TENM1: variants seen among roughly 807,000 people sequenced by gnomAD.
TENM1 encodes teneurin-1.
Under a neutral mutation model 174.8 loss-of-function variants are expected in TENM1, and 35 were observed. The ratio of observed to expected loss-of-function variants is 0.20; its 90% confidence interval spans 0.15 to 0.27. The LOEUF is 0.27. Among genes scored for constraint, TENM1 ranks in the 10% least tolerant of loss-of-function variants. TENM1 has a pLI of 1.00. For synonymous variants in TENM1, 781 were observed against 798.7 expected, an observed-to-expected ratio of 0.98 and a Z score of 0.37; for missense variants, 1,633 against 2,130.1, an observed-to-expected ratio of 0.77 and a Z score of 4.59.
intron 13 of TENM1, 78 bp from the exon 17 acceptor site, chrX:124,561,895 G>T: frequency 9.7e-7 from 1 of 1,026,573 alleles, no homozygotes; most frequent in Non-Finnish European, 1.3e-6. Flanking sequence ...TGCCTATAGG[G>T]AAGCATCTAA....
At chrX:124,586,415 A>G (rs1482758257) in intron 11 of TENM1, among the ~76,000 whole-genome samples, 2 of 109,016 alleles carry the variant, frequency 1.8e-5, no homozygotes, top group African/African-American at 6.7e-5. Context: ...TCCAGCATAT[A>G]AACAGAACCA....
At chrX:125,123,544 G>A in the TENM1 span, among the ~76,000 whole-genome samples, 3 of 111,701 alleles carry the variant, frequency 2.7e-5, no homozygotes, top group Non-Finnish European at 5.6e-5. Context: ...ATGAGGTCGA[G>A]GCTGCAGTCA....
intron 16 of TENM1, among the ~76,000 whole-genome samples, chrX:124,527,862 T>A (rs2048016620): frequency 9.7e-6 from 1 of 103,521 alleles, no homozygotes; most frequent in African/African-American, 3.5e-5. Flanking sequence ...TTCACCGTGT[T>A]AGCCAGGACA....
At chrX:124,420,341 C>G in exon 25 of TENM1, 2 of 1,205,155 alleles carry the variant, frequency 1.7e-6, no homozygotes. Context: ...ATTTTCGTTA[C>G]TTTTGGTAGC....
chrX:125,059,684 A>G, the TENM1 span, among the ~76,000 whole-genome samples: 47 of 111,192 alleles, frequency 4.2e-4, no homozygotes, highest in African/African-American at 1.5e-3. Context: ...TAGATTCCAC[A>G]TATATAAGTG....
chrX:125,047,641 C>T, the TENM1 span, among the ~76,000 whole-genome samples: 8,851 of 110,826 alleles, frequency 0.08, 283 homozygotes, highest in South Asian at 0.15. Flanking sequence ...GAAATTTTTT[C>T]TACTCATTTT....
intron 23 of TENM1, among the ~76,000 whole-genome samples, chrX:124,428,303 T>C (rs868352492): frequency 8.9e-6 from 1 of 112,156 alleles, no homozygotes; most frequent in African/African-American, 3.2e-5. Context: ...ACCAGTCCCA[T>C]GATTGGTTTA....
chrX:124,772,915 T>A (rs1436699682), intron 3 of TENM1, among the ~76,000 whole-genome samples: 2 of 111,778 alleles, frequency 1.8e-5, no homozygotes, highest in African/African-American at 3.3e-5. Context: ...ACACAAACCT[T>A]CTTAAGAAAA....
chrX:124,539,930 C>T (rs2048283862), intron 15 of TENM1, among the ~76,000 whole-genome samples: 1 of 111,343 alleles, frequency 9.0e-6, no homozygotes, highest in African/African-American at 3.3e-5. Context: ...AGGTCAGTTT[C>T]ACTTCTATAG....
intron 11 of TENM1, among the ~76,000 whole-genome samples, chrX:124,570,959 GAATA>G (rs1346036991): frequency 3.6e-5 from 4 of 111,228 alleles, no homozygotes; most frequent in Non-Finnish European, 7.6e-5. Flanking sequence ...CACTGAAAAG[GAATA>G]AATAAAGTCA....
chrX:125,166,163 C>T, the TENM1 span, among the ~76,000 whole-genome samples: 1 of 111,202 alleles, frequency 9.0e-6, no homozygotes, highest in Admixed American at 9.6e-5. Flanking sequence ...TAGAAAACAA[C>T]ATGTAAGTTC....
chrX:124,781,235 A>G (rs1408473434), intron 3 of TENM1, among the ~76,000 whole-genome samples: 1 of 111,866 alleles, frequency 8.9e-6, no homozygotes, highest in East Asian at 2.8e-4. Context: ...TAAGCACACC[A>G]TACACTTAAT....
At chrX:125,194,932 C>T in the TENM1 span, among the ~76,000 whole-genome samples, 6 of 95,953 alleles carry the variant, frequency 6.3e-5, no homozygotes, top group Admixed American at 3.5e-4. Flanking sequence ...TTTGAGTTTC[C>T]AGAGCATTCT....
chrX:124,712,858 C>T (rs1051493873), intron 4 of TENM1, among the ~76,000 whole-genome samples: 4 of 112,045 alleles, frequency 3.6e-5, no homozygotes, highest in Admixed American at 9.5e-5. Flanking sequence ...TATTTATTCT[C>T]ATGCCTCCAA....
intron 3 of TENM1, among the ~76,000 whole-genome samples, chrX:124,789,108 T>C (rs1386955211): frequency 1.8e-5 from 2 of 112,165 alleles, no homozygotes; most frequent in Non-Finnish European, 3.8e-5. Context: ...GTCAATACCA[T>C]GTGTAAGCTG....
At chrX:125,190,405 A>G in the TENM1 span, among the ~76,000 whole-genome samples, 1 of 112,560 alleles carries the variant, frequency 8.9e-6, no homozygotes, top group South Asian at 3.6e-4. Context: ...CTTCTGTTTT[A>G]CATGAAGCAA....
At chrX:124,386,842 G>C (rs1603245711) in intron 28 of TENM1, among the ~76,000 whole-genome samples, 1 of 109,874 alleles carries the variant, frequency 9.1e-6, no homozygotes, top group African/African-American at 3.3e-5. Flanking sequence ...AGCCTCCTGA[G>C]TAACTGGGAC....
chrX:124,993,371 A>G, the TENM1 span, among the ~76,000 whole-genome samples: 1 of 111,219 alleles, frequency 9.0e-6, no homozygotes, highest in Non-Finnish European at 1.9e-5. Context: ...GCCGTAGTCT[A>G]TATACTCAGA....
In TENM1 at chrX:124,439,248, T is replaced by A. The variant is rs182281196; in HGVS notation, c.4104+14089A>T. On this transcript the variant is annotated intron_variant, in intron 23 of 31. Transcript: ENST00000422452. ...CTTCTTTCTTATGTACTCTAATATT[T>A]ATTTTTTTGTGTGTGTGAAATTGAC... is the stretch of plus-strand genomic sequence containing the variant. Among the ~76,000 whole-genome samples, 310 of 112,182 alleles carry A rather than the reference T, an allele frequency of 2.8e-3. 1 individual carries two copies. The highest frequency in any genetic ancestry group is 5.0e-3 in the Non-Finnish European group (265 of 53,232).
Sources: allele counts gnomAD v4.1 joint callset (sites outside exome capture counted in the v4.1 genomes callset), GRCh38; gene constraint gnomAD v4.1.1; transcripts MANE v1.5; gene names NCBI Gene and HGNC (gene_info 2026-07-23, HGNC 2026-07-21).